Variants in NAV2 observed in about 807,000 individuals in gnomAD.
NAV2 encodes neuron navigator 2, also known as helicase, APC down-regulated 1.
A neutral mutation model predicts 223.2 loss-of-function variants in NAV2; 54 were observed. The ratio of observed to expected loss-of-function variants is 0.24; its 90% CI spans 0.19 to 0.30. The LOEUF (loss-of-function observed/expected upper bound fraction) is 0.30. Ranked by LOEUF, NAV2 falls within the 10% of genes least tolerant of loss-of-function variation. NAV2 has a pLI of 1.00. For synonymous variants in NAV2, 1,279 were observed against 1,239.3 expected (o/e 1.03, Z -0.67); for missense variants, 2,806 against 3,147.5 (o/e 0.89, Z 2.60).
intron 11 of NAV2, among the ~76,000 whole-genome samples, chr11:19,999,720 A>G (rs1471209809): frequency 6.6e-6 from 1 of 152,130 alleles, no homozygotes; most frequent in Non-Finnish European, 1.5e-5. Flanking sequence ...TCAGATGCTG[A>G]CTGTGCTGCT....
At chr11:19,567,605 C>T (rs556192123) in intron 1 of NAV2, among the ~76,000 whole-genome samples, 3 of 152,266 alleles carry the variant, frequency 2.0e-5, no homozygotes, top group East Asian at 1.9e-4. Context: ...AGCTCTAAGA[C>T]TCTTGGTGAG....
intron 6 of NAV2, among the ~76,000 whole-genome samples, chr11:19,910,547 A>C (rs576106535): frequency 6.6e-6 from 1 of 152,192 alleles, no homozygotes; most frequent in Admixed American, 6.5e-5. Context: ...GTTTTCTGAC[A>C]TATCAGCATG....
intron 1 of NAV2, among the ~76,000 whole-genome samples, chr11:19,501,174 C>T (rs2042951996): frequency 6.6e-6 from 1 of 152,122 alleles, no homozygotes; most frequent in Non-Finnish European, 1.5e-5. Flanking sequence ...GAAAGTTTCT[C>T]CACTTTTATG....
chr11:19,770,487 T>C (rs1417868075), intron 1 of NAV2, among the ~76,000 whole-genome samples: 1 of 151,966 alleles, frequency 6.6e-6, no homozygotes, highest in African/African-American at 2.4e-5. Context: ...ATCTGCTGCA[T>C]TGAGGTGGTG....
chr11:19,741,137 T>A (rs2052760588), intron 1 of NAV2, among the ~76,000 whole-genome samples: 1 of 152,240 alleles, frequency 6.6e-6, no homozygotes, highest in South Asian at 2.1e-4. Flanking sequence ...ACAGATTTTA[T>A]TTTTTAATTT....
chr11:19,500,096 T>A (rs1345282476), intron 1 of NAV2, among the ~76,000 whole-genome samples: 3 of 152,104 alleles, frequency 2.0e-5, no homozygotes, highest in African/African-American at 7.2e-5. Context: ...TGGTTCTGAG[T>A]CTGGCCAAGT....
At chr11:19,812,325 G>A (rs1565358042) in intron 1 of NAV2, among the ~76,000 whole-genome samples, 1 of 151,986 alleles carries the variant, frequency 6.6e-6, no homozygotes, top group Non-Finnish European at 1.5e-5. Flanking sequence ...GCTTAGAGAG[G>A]CCATTCTTGA....
At chr11:19,350,796 A>T in exon 1 of NAV2, 1 of 692,390 alleles carries the variant, frequency 1.4e-6, no homozygotes, top group South Asian at 1.8e-5. Context: ...AGTGGATTTT[A>T]AGAAGACAGG....
At chr11:20,003,474 G>A (rs571714329) in intron 11 of NAV2, among the ~76,000 whole-genome samples, 29 of 152,256 alleles carry the variant, frequency 1.9e-4, no homozygotes, top group Middle Eastern at 3.4e-3. Context: ...TGCAATACAA[G>A]CCTTCTCCAT....
At chr11:19,840,489 T>G (rs1339398363) in intron 2 of NAV2, among the ~76,000 whole-genome samples, 4 of 152,208 alleles carry the variant, frequency 2.6e-5, no homozygotes, top group Non-Finnish European at 5.9e-5. Flanking sequence ...AATGCTGAAC[T>G]GGGTATTGAT....
chr11:19,719,499 G>A (rs974337547), intron 1 of NAV2, among the ~76,000 whole-genome samples: 3 of 152,276 alleles, frequency 2.0e-5, no homozygotes, highest in African/African-American at 7.2e-5. Flanking sequence ...TATAGGTTGG[G>A]GGTGAGGGTT....
chr11:19,551,011 A>G (rs1223864878), intron 1 of NAV2, among the ~76,000 whole-genome samples: 1 of 152,278 alleles, frequency 6.6e-6, no homozygotes, highest in Non-Finnish European at 1.5e-5. Flanking sequence ...GGCTACTCTC[A>G]GCACACTGCC....
chr11:19,709,263 C>G (rs1240265827), upstream of NAV2, among the ~76,000 whole-genome samples: 1 of 152,016 alleles, frequency 6.6e-6, no homozygotes, highest in Non-Finnish European at 1.5e-5. Context: ...GGAGATAGGG[C>G]CAGGCACGGT....
chr11:20,083,042 G>A lies in NAV2; in HGVS notation c.5361G>A (p.Lys1787=), dbSNP rs1565019519. 1 of 1,613,970 alleles carries A rather than the reference G, an allele frequency of 6.2e-7. No individual in the cohort carries two copies. The highest frequency in any genetic ancestry group is 8.5e-7 in the Non-Finnish European group (1 of 1,179,984). Residue 1787 remains lysine (K), a synonymous_variant, in exon 26 of 38, where the codon AAG becomes AAA. Coordinates refer to ENST00000349880, the MANE Select transcript of NAV2 (RefSeq NM_145117.5). ...CCTTCAAGCAAGCTTTCGGGAAGAA[G>A]AAGTCCCCAAAATCTGCGTCCTCTC... is the stretch of plus-strand genomic sequence containing the variant. ...RSSFKQAFGK[K]KSPKSASSHS...
rs2054155727 is a variant in NAV2 at position 19,755,398 on chromosome 11, G to A, written c.267+41436G>A. ...AGGAAGGTGACTTTGATGGAAGAAA[G>A]GCTAGACATGTAGGTTGTGACCTGT... is the stretch of plus-strand genomic sequence containing the variant. On this transcript the variant is annotated intron_variant, in intron 1 of 37. Coordinates refer to ENST00000349880, the MANE Select transcript of NAV2 (RefSeq NM_145117.5). 2.6e-5 allele frequency among the ~76,000 whole-genome samples: 4 copies of A among 152,310 alleles called. No individual in the cohort carries two copies. The South Asian group carries it at 8.3e-4, about 32-fold the overall frequency.
At chr11:19,641,126 C>T (rs958990576) in intron 1 of NAV2, among the ~76,000 whole-genome samples, 2 of 152,164 alleles carry the variant, frequency 1.3e-5, no homozygotes, top group Admixed American at 6.5e-5. Context: ...TGGTAGCTGG[C>T]TCACCATCCC....
Position 19,684,539 on chromosome 11 carries a change from A to G in NAV2, c.76-147945A>G, listed in dbSNP as rs539776377. Among the ~76,000 whole-genome samples, 12 of 152,276 alleles carry G rather than the reference A, an allele frequency of 7.9e-5. No individual in the cohort carries two copies. The South Asian group carries it at 2.5e-3, about 32-fold the overall frequency. ...CCCAAGCACTACCTAAATGCTGATT[A>G]TCACCAAACTTGGTGCTTTTTGAGC... On this transcript the variant is annotated intron_variant, in intron 1 of 37. Coordinates refer to the NAV2 transcript ENST00000360655.
intron 1 of NAV2, among the ~76,000 whole-genome samples, chr11:19,828,087 G>A (rs1454431071): frequency 1.3e-5 from 2 of 152,166 alleles, no homozygotes; most frequent in Non-Finnish European, 2.9e-5. Context: ...GGCTGAGTTC[G>A]AAGCTGCAGT....
At chr11:19,947,161 C>A (rs1168409298) in intron 9 of NAV2, among the ~76,000 whole-genome samples, 1 of 152,206 alleles carries the variant, frequency 6.6e-6, no homozygotes, top group African/African-American at 2.4e-5. Context: ...TCCTTTGCTT[C>A]TCCAATTTCA....
Sources: allele counts gnomAD v4.1 joint callset (sites outside exome capture counted in the v4.1 genomes callset), GRCh38; gene constraint gnomAD v4.1.1; transcripts MANE v1.5; gene names NCBI Gene and HGNC (gene_info 2026-07-23, HGNC 2026-07-21).